The following TNKS variants were observed in gnomAD, a reference collection of about 807,000 sequenced individuals.
The protein encoded by TNKS is poly [ADP-ribose] polymerase tankyrase-1.
TNKS carries 72 observed loss-of-function variants against 135.8 expected under a neutral mutation model. The observed-to-expected ratio is 0.53, with a 90% CI of 0.44 to 0.64. The LOEUF is 0.64. Among genes scored for constraint, TNKS ranks in the 30% least tolerant of loss-of-function variants. The pLI, the probability that TNKS is intolerant of heterozygous loss-of-function variation, is 0.00. For synonymous variants in TNKS, 849 were observed against 649.3 expected (o/e 1.31, Z -4.68); for missense variants, 1,769 against 1,674.0 (o/e 1.06, Z -0.99).
At chr8:9,647,092 T>C (rs1354053106) in intron 3 of TNKS, among the ~76,000 whole-genome samples, 4 of 152,220 alleles carry the variant, frequency 2.6e-5, no homozygotes, top group Non-Finnish European at 4.4e-5. Context: ...TATCTATTAC[T>C]GTCTCCAGAA....
rs745412373 is a variant in TNKS, at chr8:9,731,006, C to T, written c.2118C>T (p.His706=). 22 of 1,612,654 alleles carry T rather than the reference C, an allele frequency of 1.4e-5. No individual in the cohort carries two copies. The highest frequency in any genetic ancestry group is 7.7e-5 in the South Asian group (7 of 90,786). The change falls in exon 14 of 27, where the codon CAC becomes CAT. Residue 706 remains histidine (H), a synonymous_variant. Transcript: ENST00000310430. ...RVSVVEYLLH[H]GADVHAKDKG... Reference sequence around the variant, plus strand: ...CTGTTGTAGAGTACCTGCTACACCACGGTGCCGATGTCCATGCCAAAGACA... The same window carrying T: ...CTGTTGTAGAGTACCTGCTACACCATGGTGCCGATGTCCATGCCAAAGACA...
chr8:9,596,424 T>C (rs966575636), intron 2 of TNKS, among the ~76,000 whole-genome samples: 1 of 152,222 alleles, frequency 6.6e-6, no homozygotes. Context: ...GTATAATAAT[T>C]GTATTTATAG....
intron 3 of TNKS, among the ~76,000 whole-genome samples, chr8:9,642,237 A>C (rs571273355): frequency 6.8e-6 from 1 of 146,534 alleles, no homozygotes; most frequent in Non-Finnish European, 1.5e-5. Flanking sequence ...ACATTTACTC[A>C]AAATGAATGT....
At chr8:9,570,706 T>C (rs905507527) in intron 1 of TNKS, among the ~76,000 whole-genome samples, 18 of 152,308 alleles carry the variant, frequency 1.2e-4, no homozygotes, top group Middle Eastern at 3.4e-3. Context: ...ATCTCCTGGT[T>C]GGCCACTCTT....
In TNKS at chr8:9,556,631, G is replaced by A. The variant is rs1388233861; in HGVS notation, c.673+19G>A. ...GCTGCAGGTCAGAGACTTTTGAATT[G>A]TTTATTAAGGGTTATGGGTTTGGGT... On this transcript the variant is annotated intron_variant, in intron 1 of 26. Coordinates refer to ENST00000310430, the MANE Select transcript of TNKS (RefSeq NM_003747.3). 2 of 1,612,302 alleles carry A rather than the reference G, an allele frequency of 1.2e-6. No individual in the cohort carries two copies. Among genetic ancestry groups the A allele is most frequent in the Non-Finnish European group, 1.7e-6 (2 of 1,180,018 alleles).
chr8:9,561,149 G>A lies in TNKS; in HGVS notation c.673+4537G>A, dbSNP rs113722546. The stretch of plus-strand genomic sequence containing the variant: ...CATCTTTTTATTAAAGCATGTGAGT[G>A]TAAATAGTAGGCATCTGTGCAGCTT... On this transcript the variant is annotated intron_variant, in intron 1 of 26. Transcript: ENST00000310430. 2.9e-3 allele frequency among the ~76,000 whole-genome samples: 438 copies of A among 152,304 alleles called. 4 individuals carry two copies. Among genetic ancestry groups the A allele is most frequent in the African/African-American group, 9.6e-3 (400 of 41,556 alleles).
intron 11 of TNKS, among the ~76,000 whole-genome samples, chr8:9,719,586 C>A (rs6990116): frequency 6.6e-6 from 1 of 152,064 alleles, no homozygotes; most frequent in Admixed American, 6.5e-5. Context: ...GGAGACTTAT[C>A]TACACTGGAT....
chr8:9,652,552 C>A (rs939085813), intron 3 of TNKS, among the ~76,000 whole-genome samples: 6 of 151,974 alleles, frequency 3.9e-5, no homozygotes, highest in African/African-American at 1.5e-4. Context: ...AATATGTTTT[C>A]TTATAAAGTT....
At chr8:9,735,227 A>G in intron 16 of TNKS, 143 bp downstream of exon 16, 1 of 1,083,648 alleles carries the variant, frequency 9.2e-7, no homozygotes, top group Non-Finnish European at 1.3e-6. Context: ...ATAATTTCTT[A>G]TTGTGAAGTC....
intron 12 of TNKS, among the ~76,000 whole-genome samples, chr8:9,725,846 A>C (rs1426327873): frequency 6.6e-6 from 1 of 152,220 alleles, no homozygotes; most frequent in Non-Finnish European, 1.5e-5. Context: ...ATGAATTTTC[A>C]GTTTATTTAC....
At chr8:9,687,290 C>G (rs1484035207) in intron 5 of TNKS, among the ~76,000 whole-genome samples, 1 of 152,166 alleles carries the variant, frequency 6.6e-6, no homozygotes, top group Non-Finnish European at 1.5e-5. Flanking sequence ...GGGAACTCTT[C>G]AAATACTTCA....
At chr8:9,627,816 TA>T (rs769119652) in intron 3 of TNKS, among the ~76,000 whole-genome samples, 1 of 152,244 alleles carries the variant, frequency 6.6e-6, no homozygotes, top group Non-Finnish European at 1.5e-5. Context: ...AGTGTGTTTT[TA>T]TCCTTGCCTC....
rs763421815 is a variant in TNKS at position 9,763,168 on chromosome 8, T to A, written c.3296T>A (p.Phe1099Tyr). ...ACAGGCACCAATCCTTATTTGACTTTTCACTGTGTTAATCAGGGAACGATT... is the reference window on the plus strand; with the variant it reads ...ACAGGCACCAATCCTTATTTGACTTATCACTGTGTTAATCAGGGAACGATT... ...GQQGTNPYLT[F>Y]HCVNQGTILL... The change falls in exon 22 of 27, where the codon TTT becomes TAT. Residue 1099 changes from phenylalanine to tyrosine, a missense_variant. Around this residue, in one of 5 missense-constraint regions of TNKS, gnomAD observed 722 missense variants for 688.9 expected, o/e 1.05. Transcript: ENST00000310430. The A allele has an allele frequency of 2.5e-5, 40 of 1,599,102 alleles. No individual in the cohort carries two copies. Among genetic ancestry groups the A allele is most frequent in the Non-Finnish European group, 3.3e-5 (39 of 1,171,268 alleles).
intron 17 of TNKS, among the ~76,000 whole-genome samples, chr8:9,736,080 A>G (rs905026620): frequency 1.4e-5 from 1 of 72,076 alleles, no homozygotes; most frequent in African/African-American, 3.9e-5. Flanking sequence ...TCAATATTGT[A>G]ATATAATATA....
intron 3 of TNKS, among the ~76,000 whole-genome samples, chr8:9,666,207 T>G (rs1045639423): frequency 1.3e-5 from 2 of 152,214 alleles, no homozygotes; most frequent in Admixed American, 6.5e-5. Flanking sequence ...CTGAACACGC[T>G]GCCACACGTT....
intron 20 of TNKS, among the ~76,000 whole-genome samples, chr8:9,759,998 A>C (rs1807060763): frequency 6.6e-6 from 1 of 152,128 alleles, no homozygotes. Context: ...AAAACAAAAA[A>C]AAAAAAAGTA....
chr8:9,558,221 A>G (rs1337448768), intron 1 of TNKS: 1 of 152,196 alleles, frequency 6.6e-6, no homozygotes, highest in Non-Finnish European at 1.5e-5. Flanking sequence ...CTTGTGATCC[A>G]TTAATGGGTC....
At chr8:9,767,275 G>A (rs886926487) in intron 25 of TNKS, among the ~76,000 whole-genome samples, 3 of 152,126 alleles carry the variant, frequency 2.0e-5, no homozygotes, top group Non-Finnish European at 4.4e-5. Flanking sequence ...AAATTGGAGA[G>A]AATAATGGTA....
chr8:9,575,482 AAAGAT>A (rs1160912305), intron 1 of TNKS: 14 of 937,070 alleles, frequency 1.5e-5, no homozygotes, highest in South Asian at 1.5e-4. Flanking sequence ...ACCAAAAAGA[AAAGAT>A]AAGGAAAAAT....
Sources: allele counts gnomAD v4.1 joint callset (sites outside exome capture counted in the v4.1 genomes callset), GRCh38; gene constraint gnomAD v4.1.1; regional missense constraint gnomAD v4.1.1; transcripts MANE v1.5; gene names NCBI Gene and HGNC (gene_info 2026-07-23, HGNC 2026-07-21).